ABR: variants seen among roughly 807,000 people sequenced by gnomAD.
ABR encodes ABR activator of RhoGEF and GTPase.
ABR carries 35 observed loss-of-function variants against 107.2 expected under a neutral mutation model. The ratio of observed to expected loss-of-function variants is 0.33; its 90% CI spans 0.25 to 0.43. ABR has a LOEUF of 0.43. Among genes scored for constraint, ABR ranks in the 20% least tolerant of loss-of-function variants. ABR has a pLI of 1.00. For missense variants in ABR, 815 were observed against 1,115.2 expected, an observed-to-expected ratio of 0.73 and a Z score of 3.83; for synonymous variants, 498 against 462.0, an observed-to-expected ratio of 1.08 and a Z score of -1.00.
intron 10 of ABR, 135 bp downstream of exon 10, chr17:1,066,942 G>C (rs2034801990): frequency 4.7e-6 from 4 of 853,830 alleles, no homozygotes; most frequent in Non-Finnish European, 7.3e-6. Flanking sequence ...AGCTACTGTA[G>C]TCGGGGTCTT....
rs2070590026 is a variant in ABR, at chr17:1,011,891, C to G, written c.2056G>C (p.Gly686Arg). Residue 686 changes from glycine to arginine, a missense_variant, in exon 19 of 23, where the codon GGC (glycine) becomes CGC (arginine). Around this residue, in one of 5 missense-constraint regions of ABR, gnomAD observed 175 missense variants for 284.3 expected, o/e 0.62. Coordinates refer to ENST00000302538, the MANE Select transcript of ABR (RefSeq NM_021962.5). This position sits in a 1 kb window ranked among gnomAD's most constrained non-coding sequence, Gnocchi z 4.8. The stretch of plus-strand genomic sequence containing the variant: ...AGCGCCTGGATGTCCGTGGCCACGC[C>G]CGATATCCTGTAGATGCCAACCTCC... ...IEEVGIYRISGVATDIQALKA... is the reference protein window; with the variant it reads ...IEEVGIYRISRVATDIQALKA... 6.2e-7 allele frequency: 1 copy of G among 1,607,384 alleles called. No individual in the cohort carries two copies. Among genetic ancestry groups the G allele is most frequent in the Admixed American group, 1.7e-5 (1 of 59,560 alleles).
intron 1 of ABR, among the ~76,000 whole-genome samples, chr17:1,177,332 C>G (rs953745096): frequency 6.6e-6 from 1 of 152,196 alleles, no homozygotes. Context: ...AAGAGGGAGG[C>G]AGGGACTCCT....
upstream of ABR, among the ~76,000 whole-genome samples, chr17:1,182,469 G>T (rs1220643385): frequency 6.6e-6 from 1 of 152,166 alleles, no homozygotes; most frequent in Non-Finnish European, 1.5e-5. Context: ...CCGGGTTCAC[G>T]CCATTCTCTT....
intron 2 of ABR, chr17:1,115,351 CTCGG>C (rs2038935819): frequency 6.6e-6 from 1 of 152,354 alleles, no homozygotes; most frequent in Non-Finnish European, 1.5e-5. Flanking sequence ...ACGGCAGGTC[CTCGG>C]CTTGAAGCAC....
At chr17:1,093,465 T>C (rs562666526) in intron 3 of ABR, among the ~76,000 whole-genome samples, 1 of 152,074 alleles carries the variant, frequency 6.6e-6, no homozygotes, top group South Asian at 2.1e-4. Flanking sequence ...CCAGACTCTG[T>C]CTCCAAAAAC....
At chr17:1,182,646 G>A (rs1345711948), upstream of ABR, among the ~76,000 whole-genome samples, 1 of 152,140 alleles carries the variant, frequency 6.6e-6, no homozygotes, top group Non-Finnish European at 1.5e-5. Context: ...GATTACAGGC[G>A]TGAGCCACCG....
chr17:1,093,157 T>C (rs551710939), intron 3 of ABR, among the ~76,000 whole-genome samples: 6 of 149,790 alleles, frequency 4.0e-5, no homozygotes, highest in African/African-American at 1.2e-4. Context: ...TTCACCTACC[T>C]GAAGGCCACG....
intron 9 of ABR, among the ~76,000 whole-genome samples, chr17:1,067,735 GA>G (rs2034869453): frequency 6.6e-6 from 1 of 152,316 alleles, no homozygotes; most frequent in East Asian, 1.9e-4. Flanking sequence ...AGTCTAGCAA[GA>G]AAGTGTGCCC....
chr17:1,056,967 C>T (rs751842231), intron 13 of ABR, 31 bp downstream of exon 13: 17 of 1,521,638 alleles, frequency 1.1e-5, no homozygotes, highest in East Asian at 9.1e-5. Flanking sequence ...TGGGACCTGC[C>T]GGTTGGGCCA....
intron 3 of ABR, among the ~76,000 whole-genome samples, chr17:1,094,343 C>G (rs1394226749): frequency 6.6e-6 from 1 of 151,768 alleles, no homozygotes; most frequent in Non-Finnish European, 1.5e-5. Flanking sequence ...CCCGTCAGTG[C>G]GTACACGATC....
At chr17:1,032,372 C>G (rs753565133) in intron 16 of ABR, among the ~76,000 whole-genome samples, 14 of 152,208 alleles carry the variant, frequency 9.2e-5, no homozygotes, top group African/African-American at 2.9e-4. Context: ...AAAGGAGACC[C>G]CTAGTGTGGG....
chr17:1,031,483 C>A lies in ABR; in HGVS notation c.1792-18319G>T, dbSNP rs1192423606. The A allele has an allele frequency of 7.1e-6, 5 of 708,198 alleles. No individual in the cohort carries two copies. In the Admixed American group the frequency reaches 2.2e-4, roughly 31 times the overall value. The allele number at this position is 708,198 out of a possible 1,614,324, so 43.9% of individuals were successfully genotyped here. On this transcript the variant is annotated intron_variant, in intron 16 of 22. Coordinates refer to ENST00000302538, the MANE Select transcript of ABR (RefSeq NM_021962.5). ...CACAGACCCCAGCTCTGTCCCGGGA[C>A]TCCACGGAGGGGGCGGGAGCGGGAC...
chr17:1,130,017 A>G (rs2151466303), intron 1 of ABR, among the ~76,000 whole-genome samples: 1 of 152,338 alleles, frequency 6.6e-6, no homozygotes, highest in African/African-American at 2.4e-5. Context: ...GGAAAGATGG[A>G]CAGCTGTGTG....
Position 1,036,984 on chromosome 17 carries a change from TTTCCTTCCTTCCATCC to T in ABR, c.1791+13050_1791+13065del, listed in dbSNP as rs1223361155. On this transcript the variant is annotated intron_variant, in intron 16 of 22. Transcript: ENST00000302538. ...CCTAGGAGCTATGTTTGTTTCTTTC[TTTCCTTCCTTCCATCC>T]TTCCTTCCTTCCATCCTTCCTTCCT... Among the ~76,000 whole-genome samples, 168 of 151,950 alleles carry T rather than the reference TTTCCTTCCTTCCATCC, an allele frequency of 1.1e-3. 2 individuals are homozygous for T. In the South Asian group the frequency reaches 0.024, roughly 22 times the overall value.
At chr17:1,068,248 G>A (rs1434273529) in intron 9 of ABR, among the ~76,000 whole-genome samples, 1 of 152,180 alleles carries the variant, frequency 6.6e-6, no homozygotes, top group Non-Finnish European at 1.5e-5. Flanking sequence ...TCCCTTTATT[G>A]ACGTTCATAA....
At chr17:1,046,339 T>C (rs1224802828) in intron 16 of ABR, among the ~76,000 whole-genome samples, 3 of 139,562 alleles carry the variant, frequency 2.1e-5, no homozygotes, top group Non-Finnish European at 3.3e-5. Context: ...GGTTTCGCCA[T>C]GTTGGCCAGG....
intron 16 of ABR, among the ~76,000 whole-genome samples, chr17:1,021,752 C>T (rs1481654581): frequency 2.0e-5 from 3 of 150,184 alleles, no homozygotes; most frequent in Non-Finnish European, 4.4e-5. Context: ...TGCAGTGAGC[C>T]GGAGTTGAGA....
chr17:1,192,758 C>CA (rs914377796), intron 1 of ABR, among the ~76,000 whole-genome samples: 3 of 151,858 alleles, frequency 2.0e-5, no homozygotes, highest in Admixed American at 1.3e-4. Flanking sequence ...ACTAAAAATA[C>CA]AAAAAAATAG....
chr17:1,019,313 AG>A (rs1486097913), intron 16 of ABR, among the ~76,000 whole-genome samples: 2 of 152,166 alleles, frequency 1.3e-5, no homozygotes, highest in Non-Finnish European at 2.9e-5. Flanking sequence ...TGCTCCACTA[AG>A]ATCTACCCTC....
Sources: gnomAD v4.1 joint callset for allele counts (sites outside exome capture counted in the v4.1 genomes callset) on GRCh38, gnomAD v4.1.1 for gene constraint, gnomAD v4.1.1 regional missense constraint, Gnocchi (gnomAD v3.1) non-coding constraint, MANE v1.5 for transcripts, NCBI Gene and HGNC (gene_info 2026-07-23, HGNC 2026-07-21) for gene names.